QTGAL: variants seen among roughly 807,000 people sequenced by gnomAD.
QTGAL encodes the protein queuosine-tRNA galactosyltransferase, also known as BGnT-like protein 1.
chr17:83,007,787 G>A, the QTGAL span, among the ~76,000 whole-genome samples: 3 of 152,224 alleles, frequency 2.0e-5, no homozygotes, highest in Non-Finnish European at 4.4e-5. Flanking sequence ...GGAATCCTGT[G>A]AAACTAGAGG....
chr17:82,968,037 C>A, the QTGAL span, among the ~76,000 whole-genome samples: 7 of 152,210 alleles, frequency 4.6e-5, no homozygotes, highest in Non-Finnish European at 2.9e-5. Flanking sequence ...AAACACTTTG[C>A]AGAGCAGGCA....
At chr17:82,984,157 C>G in the QTGAL span, among the ~76,000 whole-genome samples, 1 of 94,892 alleles carries the variant, frequency 1.1e-5, no homozygotes, top group Non-Finnish European at 2.0e-5. Context: ...AGGGGAGAGG[C>G]CACGTGAGCA....
chr17:82,983,718 C>T, the QTGAL span, among the ~76,000 whole-genome samples: 6 of 152,266 alleles, frequency 3.9e-5, no homozygotes, highest in South Asian at 2.1e-4. Flanking sequence ...AGCCCTAGAG[C>T]GGGCAGGGGC....
the QTGAL span, among the ~76,000 whole-genome samples, chr17:82,967,801 G>A: frequency 6.6e-6 from 1 of 151,908 alleles, no homozygotes; most frequent in Admixed American, 6.6e-5. Context: ...TGGGCATGGT[G>A]ATGCTCCCCT....
the QTGAL span, among the ~76,000 whole-genome samples, chr17:82,953,161 A>G: frequency 9.8e-5 from 15 of 152,342 alleles, no homozygotes; most frequent in Middle Eastern, 6.8e-3. Context: ...AACAAATTCA[A>G]AAGCTAGCAA....
At chr17:83,017,017 GC>G in the QTGAL span, among the ~76,000 whole-genome samples, 1 of 152,210 alleles carries the variant, frequency 6.6e-6, no homozygotes, top group South Asian at 2.1e-4. Context: ...TAGAACCAGG[GC>G]CAGGCCAGTT....
chr17:82,970,552 C>T, the QTGAL span, among the ~76,000 whole-genome samples: 59 of 132,024 alleles, frequency 4.5e-4, 3 homozygotes, highest in African/African-American at 1.2e-3. Flanking sequence ...CCGCACCCGG[C>T]GTGGCCGCGA....
chr17:82,976,125 C>A, the QTGAL span, among the ~76,000 whole-genome samples: 1 of 40,592 alleles, frequency 2.5e-5, no homozygotes, highest in Non-Finnish European at 4.7e-5. Context: ...TCCCAGGGGC[C>A]GGAGGCCACT....
the QTGAL span, among the ~76,000 whole-genome samples, chr17:82,964,248 C>T: frequency 8.4e-4 from 84 of 100,112 alleles, no homozygotes; most frequent in East Asian, 0.021. Context: ...AGAGTGAGAC[C>T]CTGTCTCAAA....
chr17:82,968,102 A>C, the QTGAL span, among the ~76,000 whole-genome samples: 4 of 152,300 alleles, frequency 2.6e-5, no homozygotes, highest in East Asian at 7.7e-4. Context: ...CCAGTCCTAG[A>C]CATTTACCCA....
At chr17:82,967,965 A>G in the QTGAL span, among the ~76,000 whole-genome samples, 2 of 152,156 alleles carry the variant, frequency 1.3e-5, no homozygotes, top group Non-Finnish European at 2.9e-5. Flanking sequence ...AAAAATAAAA[A>G]TAAACACTGA....
chr17:83,012,256 T>G, the QTGAL span, among the ~76,000 whole-genome samples: 3 of 144,794 alleles, frequency 2.1e-5, no homozygotes, highest in Admixed American at 1.4e-4. Flanking sequence ...GTCTCCCAGC[T>G]CGTTTGAACA....
chr17:83,014,086 T>C, the QTGAL span, among the ~76,000 whole-genome samples: 3 of 152,166 alleles, frequency 2.0e-5, no homozygotes, highest in Non-Finnish European at 4.4e-5. Context: ...TGAGAAGCCG[T>C]TCTAAAGATA....
At chr17:82,987,394 A>G in the QTGAL span, among the ~76,000 whole-genome samples, 2 of 152,368 alleles carry the variant, frequency 1.3e-5, no homozygotes, top group South Asian at 2.1e-4. Context: ...ACACAATAAA[A>G]CAGACAATAC....
chr17:82,958,830 GGT>G, the QTGAL span, among the ~76,000 whole-genome samples: 3,659 of 108,724 alleles, frequency 0.034, 170 homozygotes, highest in South Asian at 0.061. Context: ...GGGGGTGTAT[GGT>G]GTGTGTGTGT....
At chr17:83,009,017 A>C in the QTGAL span, among the ~76,000 whole-genome samples, 2 of 151,988 alleles carry the variant, frequency 1.3e-5, no homozygotes, top group South Asian at 4.2e-4. Flanking sequence ...TCACACCCCC[A>C]GGTGAACCCA....
the QTGAL span, among the ~76,000 whole-genome samples, chr17:82,970,895 C>A: frequency 6.6e-6 from 1 of 152,182 alleles, no homozygotes; most frequent in Non-Finnish European, 1.5e-5. Flanking sequence ...TTGCGGGGGG[C>A]CTCAGGCTGC....
chr17:83,024,170 T>C, the QTGAL span, among the ~76,000 whole-genome samples: 4 of 145,800 alleles, frequency 2.7e-5, no homozygotes, highest in East Asian at 1.9e-4. Flanking sequence ...GAGTCCCTGA[T>C]GTACTCAGGC....
the QTGAL span, among the ~76,000 whole-genome samples, chr17:82,966,303 G>A: frequency 6.6e-6 from 1 of 151,810 alleles, no homozygotes; most frequent in South Asian, 2.1e-4. Flanking sequence ...GATCCTCCCA[G>A]CTCAGCCTCC....
Sources: allele counts gnomAD v4.1 joint callset (sites outside exome capture counted in the v4.1 genomes callset), GRCh38; gene constraint gnomAD v4.1.1; transcripts MANE v1.5; gene names NCBI Gene and HGNC (gene_info 2026-07-23, HGNC 2026-07-21).